The following PHTF2 variants were observed in gnomAD, a reference collection of about 807,000 sequenced individuals.
The protein encoded by PHTF2 is protein PHTF2.
Under a neutral mutation model 101.2 loss-of-function variants are expected in PHTF2, and 60 were observed. The ratio of observed to expected loss-of-function variants is 0.59; its 90% CI spans 0.48 to 0.73. PHTF2 has a LOEUF of 0.73. PHTF2 is among the 30% of genes least tolerant of loss of function. The pLI is 0.00. For synonymous variants in PHTF2, 311 were observed against 307.3 expected, an observed-to-expected ratio of 1.01 and a Z score of -0.13; for missense variants, 747 against 908.7, an observed-to-expected ratio of 0.82 and a Z score of 2.29.
At chr7:77,935,818 C>T (rs1805076839) in intron 12 of PHTF2, among the ~76,000 whole-genome samples, 2 of 152,182 alleles carry the variant, frequency 1.3e-5, no homozygotes, top group African/African-American at 4.8e-5. Context: ...AATCTGTTGG[C>T]TCTCAAGCTT....
intron 2 of PHTF2, among the ~76,000 whole-genome samples, chr7:77,850,038 G>A (rs1033362076): frequency 6.6e-6 from 1 of 151,726 alleles, no homozygotes; most frequent in East Asian, 1.9e-4. Context: ...TTCCATTGCC[G>A]TGTTGAATAA....
chr7:77,924,517 C>G (rs1404821096), intron 11 of PHTF2, among the ~76,000 whole-genome samples: 1 of 152,190 alleles, frequency 6.6e-6, no homozygotes, highest in African/African-American at 2.4e-5. Context: ...CTACCAAGGT[C>G]TTTTCAGAAA....
intron 10 of PHTF2, among the ~76,000 whole-genome samples, chr7:77,921,051 A>G (rs2150913116): frequency 1.3e-5 from 2 of 152,220 alleles, no homozygotes; most frequent in South Asian, 4.1e-4. Context: ...TTCTTTCCCT[A>G]TTTCTGTGTG....
At chr7:77,879,724 TG>T (rs1304892557) in intron 3 of PHTF2, among the ~76,000 whole-genome samples, 2 of 152,214 alleles carry the variant, frequency 1.3e-5, no homozygotes, top group African/African-American at 4.8e-5. Context: ...AAATTTCTTA[TG>T]GTTTTGTTGT....
At chr7:77,922,713 A>C (rs1378861966) in exon 11 of PHTF2, 8 of 1,609,438 alleles carry the variant, frequency 5.0e-6, no homozygotes, top group Non-Finnish European at 6.8e-6. Context: ...TCATGTGGAC[A>C]GGACTTCTGA....
intron 3 of PHTF2, among the ~76,000 whole-genome samples, chr7:77,856,869 C>G (rs944853709): frequency 6.6e-6 from 1 of 152,126 alleles, no homozygotes; most frequent in Non-Finnish European, 1.5e-5. Flanking sequence ...ATTTTGATAT[C>G]TGCAAGTGTT....
intron 10 of PHTF2, among the ~76,000 whole-genome samples, chr7:77,921,639 A>C (rs1803471425): frequency 6.6e-6 from 1 of 152,214 alleles, no homozygotes; most frequent in South Asian, 2.1e-4. Context: ...TTTAGCTCTG[A>C]TAATGTGAGC....
chr7:77,943,949 C>T (rs1344008679), intron 16 of PHTF2, among the ~76,000 whole-genome samples: 2 of 151,944 alleles, frequency 1.3e-5, no homozygotes, highest in Non-Finnish European at 2.9e-5. Flanking sequence ...ACCCAGAAGG[C>T]GGAGATTGCA....
intron 1 of PHTF2, among the ~76,000 whole-genome samples, chr7:77,800,747 C>T (rs1792471535): frequency 6.6e-6 from 1 of 152,116 alleles, no homozygotes; most frequent in Non-Finnish European, 1.5e-5. Flanking sequence ...AAATGAAACT[C>T]GAAAATAGTT....
At chr7:77,945,981 T>C (rs1036430412) in intron 16 of PHTF2, among the ~76,000 whole-genome samples, 1 of 152,204 alleles carries the variant, frequency 6.6e-6, no homozygotes, top group Non-Finnish European at 1.5e-5. Flanking sequence ...GTGAGGCTAA[T>C]ATAACCTTGA....
Position 77,861,805 on chromosome 7 carries a change from C to T in PHTF2, c.147+6971C>T, listed in dbSNP as rs571208963. ...AGCTGTGGTGGTGCATGCCTGTAAT[C>T]CCAGCACTTTGGGAGGCCATGGCAG... On this transcript the variant is annotated intron_variant, in intron 3 of 19. Transcript: ENST00000416283. Among the ~76,000 whole-genome samples, 573 of 152,084 alleles carry T rather than the reference C, an allele frequency of 3.8e-3. 2 individuals are homozygous for T. The highest frequency in any genetic ancestry group is 6.1e-3 in the Non-Finnish European group (414 of 67,978).
intron 1 of PHTF2, among the ~76,000 whole-genome samples, chr7:77,827,882 G>C (rs1262226171): frequency 2.0e-5 from 3 of 151,998 alleles, no homozygotes; most frequent in Non-Finnish European, 4.4e-5. Context: ...GACCTTAAGT[G>C]ATCCACCTGA....
chr7:77,906,803 G>T (rs1334530151), intron 7 of PHTF2, among the ~76,000 whole-genome samples: 1 of 152,054 alleles, frequency 6.6e-6, no homozygotes. Flanking sequence ...AGCCACTCGG[G>T]AGCCTGAGGC....
exon 7 of PHTF2, chr7:77,901,824 G>C (rs1801421046): frequency 6.3e-7 from 1 of 1,586,988 alleles, no homozygotes; most frequent in Non-Finnish European, 8.6e-7. Context: ...AAAGGGAATT[G>C]TTCGAGTTGT....
At chr7:77,951,493 T>G (rs1317813974) in intron 17 of PHTF2, 124 bp from the exon 17 acceptor site, 1 of 441,290 alleles carries the variant, frequency 2.3e-6, no homozygotes, top group East Asian at 3.9e-5. Context: ...TTGGAATATA[T>G]AGTATAAAGA....
chr7:77,935,707 G>T (rs1805063896), intron 12 of PHTF2, among the ~76,000 whole-genome samples: 1 of 152,156 alleles, frequency 6.6e-6, no homozygotes, highest in Admixed American at 6.5e-5. Context: ...TCTCTAGATG[G>T]GCTTTCTTGG....
intron 3 of PHTF2, among the ~76,000 whole-genome samples, chr7:77,862,567 A>G (rs1797733444): frequency 6.6e-6 from 1 of 152,236 alleles, no homozygotes; most frequent in South Asian, 2.1e-4. Context: ...AGGAGATCCA[A>G]GAAATGATGC....
chr7:77,926,253 A>G (rs182380559), intron 11 of PHTF2, among the ~76,000 whole-genome samples: 18 of 152,348 alleles, frequency 1.2e-4, no homozygotes, highest in Admixed American at 5.2e-4. Flanking sequence ...TAAATTAGCA[A>G]TTATTAAAAG....
intron 7 of PHTF2, chr7:77,908,117 G>A (rs1405854557): frequency 1.3e-5 from 2 of 152,076 alleles, no homozygotes; most frequent in Non-Finnish European, 2.9e-5. Context: ...CTTTTTATAA[G>A]CTTTTGTATT....
Sources: allele counts gnomAD v4.1 joint callset (sites outside exome capture counted in the v4.1 genomes callset), GRCh38; gene constraint gnomAD v4.1.1; transcripts MANE v1.5; gene names NCBI Gene and HGNC (gene_info 2026-07-23, HGNC 2026-07-21).